The following LMX1A variants were observed in gnomAD, a reference collection of about 807,000 sequenced individuals.
The protein encoded by LMX1A is LIM homeobox transcription factor 1 alpha.
A neutral mutation model predicts 49.1 loss-of-function variants in LMX1A; 15 were observed. The observed-to-expected ratio is 0.31, with a 90% confidence interval of 0.20 to 0.47. The LOEUF (loss-of-function observed/expected upper bound fraction) is 0.47. Ranked by LOEUF, LMX1A falls within the 20% of genes least tolerant of loss-of-function variation. LMX1A has a pLI of 1.00. For missense variants in LMX1A, 372 were observed against 475.8 expected, an observed-to-expected ratio of 0.78 and a Z score of 2.03; for synonymous variants, 167 against 185.7, an observed-to-expected ratio of 0.90 and a Z score of 0.82.
intron 3 of LMX1A, among the ~76,000 whole-genome samples, chr1:165,260,215 A>C (rs1653391421): frequency 6.6e-6 from 1 of 152,174 alleles, no homozygotes; most frequent in African/African-American, 2.4e-5. Flanking sequence ...AGCAGAAGAA[A>C]TGAGGTATTT....
At chr1:165,314,510 T>C (rs1324502832) in intron 3 of LMX1A, among the ~76,000 whole-genome samples, 1 of 152,236 alleles carries the variant, frequency 6.6e-6, no homozygotes, top group Non-Finnish European at 1.5e-5. Context: ...CCCCATCTTA[T>C]TGACCTTTTT....
rs1159545735 is a variant in LMX1A, at chr1:165,270,944, AC to A, written c.264-21305del. ...TTTCCTCTTCCAACAGTGGAGCCTC[AC>A]CACAACAGATAACTGCTGGCTACCT... On this transcript the variant is annotated intron_variant, in intron 3 of 8. Coordinates refer to ENST00000342310, the MANE Select transcript of LMX1A (RefSeq NM_177398.4). Among the ~76,000 whole-genome samples, 5 of 152,248 alleles carry A rather than the reference AC, an allele frequency of 3.3e-5. No homozygotes were observed. In the East Asian group the frequency reaches 7.7e-4, roughly 23 times the overall value.
At chr1:165,225,194 C>T (rs1651990291) in intron 4 of LMX1A, among the ~76,000 whole-genome samples, 2 of 152,202 alleles carry the variant, frequency 1.3e-5, no homozygotes, top group Non-Finnish European at 1.5e-5. Context: ...TCAGGAGGCC[C>T]TCAGCCCTGG....
At chr1:165,218,204 G>A (rs372605342) in intron 4 of LMX1A, among the ~76,000 whole-genome samples, 39 of 152,278 alleles carry the variant, frequency 2.6e-4, no homozygotes, top group Middle Eastern at 3.4e-3. Context: ...CCTGTGTCCC[G>A]TTCTTCCAGC....
At chr1:165,342,006 A>G (rs1656092417) in intron 3 of LMX1A, among the ~76,000 whole-genome samples, 1 of 152,238 alleles carries the variant, frequency 6.6e-6, no homozygotes, top group African/African-American at 2.4e-5. Context: ...TTCATTAAAT[A>G]CCAGTTTACA....
rs1437952158 is a variant in LMX1A, at chr1:165,204,014, C to T, written c.1015G>A (p.Asp339Asn). ...YGAEPLFHDL[D>N]SDDTSLSNLG... ...TTACTGAGGGAGGTGTCGTCGCTAT[C>T]CAGGTCATGGAAAAGGGGCTCGGCA... The change falls in exon 9 of 9, where the codon GAT becomes AAT. Residue 339 changes from aspartate (D) to asparagine (N), a missense_variant. By Grantham distance (23) the Asp-to-Asn change is conservative (BLOSUM62 1). Transcript: ENST00000342310. 6.2e-7 allele frequency: 1 copy of T among 1,614,104 alleles called. No individual in the cohort carries two copies. The highest frequency in any genetic ancestry group is 2.2e-5 in the East Asian group (1 of 44,874).
At chr1:165,204,172 T>C in intron 8 of LMX1A, 132 bp from the exon 9 acceptor site, 3 of 929,222 alleles carry the variant, frequency 3.2e-6, no homozygotes, top group Non-Finnish European at 4.8e-6. Context: ...AAAAAGTCTA[T>C]ATTCTCTTTA....
At chr1:165,267,285 T>C (rs1653656360) in intron 3 of LMX1A, among the ~76,000 whole-genome samples, 1 of 152,208 alleles carries the variant, frequency 6.6e-6, no homozygotes, top group Admixed American at 6.5e-5. Context: ...TTCTTTCACT[T>C]AGCACAATGT....
intron 3 of LMX1A, among the ~76,000 whole-genome samples, chr1:165,312,947 T>C (rs1277261290): frequency 6.6e-6 from 1 of 152,218 alleles, no homozygotes; most frequent in Non-Finnish European, 1.5e-5. Flanking sequence ...TGGAACCAAA[T>C]ATAAAGGAAT....
At chr1:165,338,471 A>G (rs1655968702) in intron 3 of LMX1A, among the ~76,000 whole-genome samples, 1 of 152,208 alleles carries the variant, frequency 6.6e-6, no homozygotes, top group Non-Finnish European at 1.5e-5. Context: ...AGGTTTGGCT[A>G]CTAATGGCTT....
At chr1:165,264,324 T>C (rs1181630409) in intron 3 of LMX1A, among the ~76,000 whole-genome samples, 1 of 152,054 alleles carries the variant, frequency 6.6e-6, no homozygotes, top group Non-Finnish European at 1.5e-5. Context: ...CATGAGTAGC[T>C]AAAGAACCAC....
chr1:165,203,403 T>G lies in LMX1A; in HGVS notation c.*477A>C, dbSNP rs1191017704. On this transcript the variant is annotated 3_prime_UTR_variant, in exon 9 of 9. Transcript: ENST00000342310. ...AGTTCACACTGAAAATAAAGTTACT[T>G]TTGCTGTACAGTTGGTGTCTGTTAT... The G allele has an allele frequency of 6.5e-6, 1 of 152,824 alleles. No homozygotes were observed. The highest frequency in any genetic ancestry group is 2.4e-5 in the African/African-American group (1 of 41,454). The allele number at this position is 152,824 out of a possible 1,614,324, so 9.5% of individuals were successfully genotyped here.
chr1:165,229,786 G>A (rs10494438), intron 4 of LMX1A, among the ~76,000 whole-genome samples: 25,452 of 152,034 alleles, frequency 0.17, 2,365 homozygotes, highest in African/African-American at 0.24. Context: ...AAATACATGA[G>A]GGCTCTTTTT....
chr1:165,319,050 T>A (rs1484234318), intron 3 of LMX1A, among the ~76,000 whole-genome samples: 1 of 148,228 alleles, frequency 6.7e-6, no homozygotes, highest in Non-Finnish European at 1.5e-5. Flanking sequence ...CACCCCAACT[T>A]CTTAGTAGGA....
chr1:165,348,323 T>C (rs967443675), intron 3 of LMX1A, among the ~76,000 whole-genome samples: 9 of 152,114 alleles, frequency 5.9e-5, no homozygotes, highest in Non-Finnish European at 1.5e-5. Context: ...AAATTTTAAG[T>C]CTTAGATTCC....
rs145621969 is a variant in LMX1A, at chr1:165,282,388, A to G, written c.264-32748T>C. The stretch of plus-strand genomic sequence containing the variant: ...TAGTATGTGCATGTAACCTACGCAC[A>G]CCCTTCTGTATACTTTCATTCTTCT... On this transcript the variant is annotated intron_variant, in intron 3 of 8. Coordinates refer to ENST00000342310, the MANE Select transcript of LMX1A (RefSeq NM_177398.4). Among the ~76,000 whole-genome samples, 602 of 152,310 alleles carry G rather than the reference A, an allele frequency of 4.0e-3. 3 individuals are homozygous for G. Among genetic ancestry groups the G allele is most frequent in the African/African-American group, 0.014 (571 of 41,558 alleles).
intron 3 of LMX1A, among the ~76,000 whole-genome samples, chr1:165,301,371 C>A (rs201063192): frequency 2.7e-5 from 1 of 37,350 alleles, no homozygotes; most frequent in Non-Finnish European, 6.7e-5. Flanking sequence ...ACACTCCCGA[C>A]AACACACACA....
Position 165,205,885 on chromosome 1 carries a change from C to T in LMX1A, c.967G>A (p.Gly323Arg). 1.2e-6 allele frequency: 2 copies of T among 1,613,960 alleles called. No homozygotes were observed. Among genetic ancestry groups the T allele is most frequent in the Non-Finnish European group, 1.7e-6 (2 of 1,179,988 alleles). ...TTACCATAAGGGTGCATGTGGTCTC[C>T]AGGCATCTGGGGTGGGGTGAGACCC... ...RQGLTPPQMP[G>R]DHMHPYGAEP... Residue 323 changes from glycine to arginine, a missense_variant, in exon 8 of 9, where the codon GGA becomes AGA. Coordinates refer to ENST00000342310, the MANE Select transcript of LMX1A (RefSeq NM_177398.4).
chr1:165,208,388 T>C (rs1651190020), intron 6 of LMX1A, among the ~76,000 whole-genome samples: 4 of 152,082 alleles, frequency 2.6e-5, no homozygotes, highest in Admixed American at 2.0e-4. Flanking sequence ...GGAATAGGGA[T>C]TTTTTCCTCA....
Sources: gnomAD v4.1 joint callset for allele counts (sites outside exome capture counted in the v4.1 genomes callset) on GRCh38, gnomAD v4.1.1 for gene constraint, MANE v1.5 for transcripts, NCBI Gene and HGNC (gene_info 2026-07-23, HGNC 2026-07-21) for gene names.